Variants in RGS10 observed in about 807,000 individuals in gnomAD.
RGS10 encodes regulator of G protein signaling 10, also known as regulator of G-protein signalling 10.
Under a neutral mutation model 23.5 loss-of-function variants are expected in RGS10, and 11 were observed. The ratio of observed to expected loss-of-function variants is 0.47; its 90% CI spans 0.29 to 0.77. The LOEUF (loss-of-function observed/expected upper bound fraction) is 0.77, where lower values mean the gene tolerates loss of function less well. Ranked by LOEUF, RGS10 falls within the 30% of genes least tolerant of loss-of-function variation. RGS10 has a pLI of 0.08. For synonymous variants in RGS10, 77 were observed against 83.2 expected, an observed-to-expected ratio of 0.92 and a Z score of 0.41; for missense variants, 180 against 226.3, an observed-to-expected ratio of 0.80 and a Z score of 1.31.
chr10:119,542,586 T>A lies in RGS10; in HGVS notation c.49+4A>T. ...CGAGCCCGCGGGCCCCCGAAGCCGC[T>A]TACCTGACGGCGGCCGCTTCCTGCT... On this transcript the variant is annotated splice_donor_region_variant and intron_variant, in intron 1 of 4. Transcript: ENST00000369103. The A allele has an allele frequency of 7.0e-7, 1 of 1,421,718 alleles. No individual in the cohort carries two copies. The highest frequency in any genetic ancestry group is 9.2e-7 in the Non-Finnish European group (1 of 1,085,876). The allele number at this position is 1,421,718 out of a possible 1,614,324, so 88.1% of individuals were successfully genotyped here. A position where few individuals can be genotyped will look rare whatever the true frequency, so the allele number is the denominator to read the frequency against.
chr10:119,501,626 G>T (rs1264548922), intron 4 of RGS10, among the ~76,000 whole-genome samples: 1 of 152,032 alleles, frequency 6.6e-6, no homozygotes. Flanking sequence ...AGGAGGCTGA[G>T]GCCAAAGAAT....
intron 4 of RGS10, among the ~76,000 whole-genome samples, chr10:119,511,448 A>G (rs1451752044): frequency 6.6e-6 from 1 of 152,092 alleles, no homozygotes; most frequent in Non-Finnish European, 1.5e-5. Flanking sequence ...GAGAAATGCC[A>G]TCTCTACTAA....
intron 1 of RGS10, chr10:119,536,608 T>A: frequency 9.6e-7 from 1 of 1,045,156 alleles, no homozygotes; most frequent in Non-Finnish European, 1.4e-6. Context: ...CTCAACATCC[T>A]CTTTTAAGTG....
At chr10:119,512,158 G>A (rs1482374117) in intron 4 of RGS10, among the ~76,000 whole-genome samples, 4 of 152,108 alleles carry the variant, frequency 2.6e-5, no homozygotes, top group South Asian at 2.1e-4. Flanking sequence ...GTTCGGGGGC[G>A]GCGGTGCTGA....
At chr10:119,530,885 C>T (rs1337491942) in intron 1 of RGS10, among the ~76,000 whole-genome samples, 1 of 152,216 alleles carries the variant, frequency 6.6e-6, no homozygotes, top group Non-Finnish European at 1.5e-5. Flanking sequence ...CTTCAATGCT[C>T]ATTGGCAATA....
chr10:119,534,970 A>G (rs1844372633), intron 1 of RGS10, among the ~76,000 whole-genome samples: 2 of 152,198 alleles, frequency 1.3e-5, no homozygotes, highest in South Asian at 4.1e-4. Flanking sequence ...CCTGAATTAA[A>G]TGATTCAGTT....
intron 1 of RGS10, among the ~76,000 whole-genome samples, chr10:119,535,380 C>T (rs576976081): frequency 7.9e-5 from 12 of 151,964 alleles, no homozygotes; most frequent in Non-Finnish European, 1.2e-4. Flanking sequence ...TGGCTTCTGG[C>T]GTCAGTAAAA....
At chr10:119,520,068 C>A (rs1844195803) in intron 3 of RGS10, among the ~76,000 whole-genome samples, 1 of 152,218 alleles carries the variant, frequency 6.6e-6, no homozygotes, top group African/African-American at 2.4e-5. Context: ...CCACTCCCCA[C>A]CCCCATCCCG....
At chr10:119,509,137 C>G (rs1224775179) in intron 4 of RGS10, among the ~76,000 whole-genome samples, 1 of 152,048 alleles carries the variant, frequency 6.6e-6, no homozygotes, top group African/African-American at 2.4e-5. Flanking sequence ...GTGGTTCATG[C>G]CTGTAATCCC....
Position 119,524,275 on chromosome 10 carries a change from C to A in RGS10, c.255+1757G>T, listed in dbSNP as rs955605126. 2.4e-4 allele frequency among the ~76,000 whole-genome samples: 36 copies of A among 152,176 alleles called. No individual in the cohort carries two copies. The highest frequency in any genetic ancestry group is 8.4e-4 in the African/African-American group (35 of 41,448). On this transcript the variant is annotated intron_variant, in intron 3 of 4. Transcript: ENST00000369103. The surrounding 1 kb of genome is among the most constrained non-coding windows in gnomAD (Gnocchi z 5.2). ...GCACTTCACAAAGATTTGGGGAATT[C>A]AACTGAACGGAGGCACAGAGCAGCA... is the stretch of plus-strand genomic sequence containing the variant.
chr10:119,506,100 A>T (rs934992360), intron 4 of RGS10, among the ~76,000 whole-genome samples: 5 of 152,166 alleles, frequency 3.3e-5, no homozygotes, highest in Non-Finnish European at 7.3e-5. Context: ...ACGCGAGGAG[A>T]CAGAAAGGGG....
At chr10:119,519,383 ATCTGTCCCCCAGCTCCTGTCTCCCTGTG>A in intron 3 of RGS10, among the ~76,000 whole-genome samples, 1 of 61,800 alleles carries the variant, frequency 1.6e-5, no homozygotes, top group East Asian at 4.4e-4. Flanking sequence ...GTCTCCCTGT[ATCTGTCCCCCAGCTCCTGTCTCCCTGTG>A]TCTGTCTCCC....
At chr10:119,520,767 C>T (rs549435263) in intron 3 of RGS10, among the ~76,000 whole-genome samples, 1 of 144,698 alleles carries the variant, frequency 6.9e-6, no homozygotes, top group East Asian at 2.0e-4. Flanking sequence ...GCAGAAAAAA[C>T]TCAATAGGAG....
chr10:119,527,466 CT>C lies in RGS10; in HGVS notation c.50-43del. The C allele has an allele frequency of 6.7e-7, 1 of 1,484,208 alleles. No individual in the cohort carries two copies. The highest frequency in any genetic ancestry group is 9.4e-7 in the Non-Finnish European group (1 of 1,062,782). 91.9% of individuals were successfully genotyped at this position (1,484,208 alleles called of 1,614,324 possible). On this transcript the variant is annotated intron_variant, in intron 1 of 4. Coordinates refer to ENST00000369103, the MANE Select transcript of RGS10 (RefSeq NM_001005339.2). The surrounding 1 kb of genome is among the most constrained non-coding windows in gnomAD (Gnocchi z 4.2). Reference sequence around the variant, plus strand: ...AGACTGCATATGTGGCCAACAGACACTGTCATTTTAAGAAATCTGCATGCAA... The same window carrying C: ...AGACTGCATATGTGGCCAACAGACACGTCATTTTAAGAAATCTGCATGCAA...
intron 1 of RGS10, among the ~76,000 whole-genome samples, chr10:119,529,857 GC>G (rs932225729): frequency 6.6e-6 from 1 of 152,186 alleles, no homozygotes; most frequent in African/African-American, 2.4e-5. Context: ...ACTTTGGGAG[GC>G]CGAGGCAGGC....
chr10:119,537,103 A>G (rs1298316881), intron 1 of RGS10, among the ~76,000 whole-genome samples: 1 of 152,198 alleles, frequency 6.6e-6, no homozygotes, highest in Non-Finnish European at 1.5e-5. Flanking sequence ...GCTATTAAAA[A>G]TAGTTGAGGC....
rs184305588 is a variant in RGS10, at chr10:119,504,259, G to A, written c.400-4000C>T. Among the ~76,000 whole-genome samples the A allele has an allele frequency of 3.2e-3, 487 of 152,286 alleles. 3 individuals are homozygous for A. Among genetic ancestry groups the A allele is most frequent in the Non-Finnish European group, 5.4e-3 (367 of 68,040 alleles). On this transcript the variant is annotated intron_variant, in intron 4 of 4. Transcript: ENST00000369103. The stretch of plus-strand genomic sequence containing the variant: ...GGCTGGAGTGCAGTGGCACGATCTT[G>A]GCTCACTGCAAACTCCGCCTCCTGG...
chr10:119,500,693 T>C (rs1176340992), intron 4 of RGS10, among the ~76,000 whole-genome samples: 1 of 150,536 alleles, frequency 6.6e-6, no homozygotes, highest in Admixed American at 6.7e-5. Context: ...GATGCCAGCA[T>C]TGTTAAGACT....
intron 2 of RGS10, among the ~76,000 whole-genome samples, chr10:119,526,467 A>C (rs1844274289): frequency 6.6e-6 from 1 of 152,246 alleles, no homozygotes; most frequent in Non-Finnish European, 1.5e-5. Context: ...CTCTAAAATC[A>C]GGCTGTTTTT....
Sources: gnomAD v4.1 joint callset for allele counts (sites outside exome capture counted in the v4.1 genomes callset) on GRCh38, gnomAD v4.1.1 for gene constraint, Gnocchi (gnomAD v3.1) non-coding constraint, MANE v1.5 for transcripts, NCBI Gene and HGNC (gene_info 2026-07-23, HGNC 2026-07-21) for gene names.